The following CEP350 variants were observed in gnomAD, a reference collection of about 807,000 sequenced individuals.
The protein encoded by CEP350 is centrosomal protein 350.
CEP350 carries 126 observed loss-of-function variants against 331.8 expected under a neutral mutation model. The ratio of observed to expected loss-of-function variants is 0.38; its 90% CI spans 0.33 to 0.44. The LOEUF (loss-of-function observed/expected upper bound fraction) is 0.44, where lower values mean the gene tolerates loss of function less well. Among genes scored for constraint, CEP350 ranks in the 20% least tolerant of loss-of-function variants. CEP350 has a pLI of 1.00. For synonymous variants in CEP350, 1,200 were observed against 1,259.5 expected (o/e 0.95, Z 1.00); for missense variants, 3,406 against 3,634.6 (o/e 0.94, Z 1.62).
At chr1:179,957,664 C>T (rs1650266621) in intron 1 of CEP350, among the ~76,000 whole-genome samples, 2 of 152,138 alleles carry the variant, frequency 1.3e-5, no homozygotes. Context: ...TTCCTAAGCA[C>T]ACCTCAACTC....
chr1:180,014,071 A>G lies in CEP350; in HGVS notation c.1618A>G (p.Thr540Ala), dbSNP rs765239642. Residue 540 changes from threonine to alanine, a missense_variant, in exon 10 of 38, where the codon ACA (threonine) becomes GCA (alanine). This residue lies in a region of CEP350 where 1,857 missense variants were observed against 1,909.2 expected (regional missense o/e 0.97). Coordinates refer to ENST00000367607, the MANE Select transcript of CEP350 (RefSeq NM_014810.5). ...GILDDLQLDS[T>A]AHTAKQDTVE... ...TCTTGATGACCTACAGCTGGATTCT[A>G]CAGCTCACACTGCAAAGCAAGATAC... 22 of 1,611,892 alleles carry G rather than the reference A, an allele frequency of 1.4e-5. No individual in the cohort carries two copies. Among genetic ancestry groups the G allele is most frequent in the African/African-American group, 2.7e-5 (2 of 74,902 alleles).
At position 179,992,204 on chromosome 1, in the gene CEP350, A is replaced by G; in HGVS notation, c.378A>G (p.Glu126=). The G allele has an allele frequency of 1.3e-6, 2 of 1,506,540 alleles. No homozygotes were observed. Among genetic ancestry groups the G allele is most frequent in the Non-Finnish European group, 1.8e-6 (2 of 1,134,506 alleles). 93.3% of individuals were successfully genotyped at this position (1,506,540 alleles called of 1,614,324 possible). The change falls in exon 5 of 38, where the codon GAA becomes GAG. Residue 126 remains glutamate, a synonymous_variant. Coordinates refer to ENST00000367607, the MANE Select transcript of CEP350 (RefSeq NM_014810.5). ...VKKNNRVEFR[E]PLVSYREIHG... is the part of the protein sequence containing the mutation. Reference sequence around the variant, plus strand: ...AAAATAATCGTGTGGAATTTCGTGAACCTTTGGTTTCTTATAGGTTAGTAT... The same window carrying G: ...AAAATAATCGTGTGGAATTTCGTGAGCCTTTGGTTTCTTATAGGTTAGTAT...
intron 10 of CEP350, among the ~76,000 whole-genome samples, chr1:180,015,024 A>G (rs1654882298): frequency 6.6e-6 from 1 of 152,164 alleles, no homozygotes; most frequent in Non-Finnish European, 1.5e-5. Context: ...AGGAAGAGAA[A>G]ATATATTGAC....
Position 180,093,223 on chromosome 1 carries a change from T to C in CEP350, c.7118T>C (p.Ile2373Thr), listed in dbSNP as rs767672279. 1.9e-6 allele frequency: 3 copies of C among 1,601,806 alleles called. No individual in the cohort carries two copies. The highest frequency in any genetic ancestry group is 2.7e-5 in the African/African-American group (2 of 74,846). Residue 2373 changes from isoleucine to threonine, a missense_variant, in exon 34 of 38, where the codon ATA becomes ACA. By Grantham distance (89) the Ile-to-Thr change is moderately conservative (BLOSUM62 -1). Around this residue, in one of 5 missense-constraint regions of CEP350, gnomAD observed 1,415 missense variants for 1,512.3 expected, o/e 0.94. Transcript: ENST00000367607. ...GAACATCTTTTTGCTCCTAAAGAGA[T>C]ACCATACTCTGAAGATTTTGAAGTG... is the stretch of plus-strand genomic sequence containing the variant. ...WSEHLFAPKE[I>T]PYSEDFEVSS...
In CEP350 at chr1:180,036,817, T is replaced by C. The variant is rs1656384632; in HGVS notation, c.3947-109T>C. On this transcript the variant is annotated intron_variant, in intron 16 of 37. Transcript: ENST00000367607. ...GTATTCTGTACTGAGTCCCAGTTTT[T>C]TCTACAAAGGAAAGCAAAGTTGATT... The C allele has an allele frequency of 4.7e-6, 6 of 1,269,588 alleles. No individual in the cohort carries two copies. The African/African-American group carries it at 9.1e-5, about 19-fold the overall frequency. The allele number at this position is 1,269,588 out of a possible 1,614,324, so 78.6% of individuals were successfully genotyped here. A position where few individuals can be genotyped will look rare whatever the true frequency, so the allele number is the denominator to read the frequency against.
chr1:180,049,476 A>G (rs1186049485), intron 22 of CEP350, among the ~76,000 whole-genome samples: 3 of 152,180 alleles, frequency 2.0e-5, no homozygotes, highest in Non-Finnish European at 1.5e-5. Context: ...CAAAAACAAA[A>G]AAGTATTACT....
At chr1:180,065,362 T>C in intron 27 of CEP350, 90 bp downstream of exon 27, 3 of 1,258,880 alleles carry the variant, frequency 2.4e-6, no homozygotes, top group Non-Finnish European at 3.2e-6. Flanking sequence ...TAGATTAGAT[T>C]GAGACAAAAT....
At chr1:180,055,853 AT>A (rs1338178985) in intron 25 of CEP350, among the ~76,000 whole-genome samples, 1 of 151,992 alleles carries the variant, frequency 6.6e-6, no homozygotes, top group African/African-American at 2.4e-5. Flanking sequence ...CCTGAATTCT[AT>A]TTTTTAAAAA....
At chr1:180,041,083 A>G in intron 17 of CEP350, 55 bp from the exon 18 acceptor site, 2 of 1,270,146 alleles carry the variant, frequency 1.6e-6, no homozygotes, top group Non-Finnish European at 2.2e-6. Flanking sequence ...TGTTATAGTC[A>G]CTGTGTTAAA....
chr1:180,052,588 T>G (rs28575079), intron 22 of CEP350, among the ~76,000 whole-genome samples: 3 of 150,442 alleles, frequency 2.0e-5, no homozygotes, highest in African/African-American at 7.5e-5. Context: ...AAGATATTTT[T>G]ACTTCATTTC....
At chr1:180,087,773 G>T in intron 32 of CEP350, 56 bp downstream of exon 32, 1 of 1,365,378 alleles carries the variant, frequency 7.3e-7, no homozygotes, top group African/African-American at 1.5e-5. Context: ...AGGAATAAGG[G>T]AATATTTTCA....
At chr1:179,955,608 G>A (rs1650116066) in intron 1 of CEP350, among the ~76,000 whole-genome samples, 1 of 152,194 alleles carries the variant, frequency 6.6e-6, no homozygotes, top group Non-Finnish European at 1.5e-5. Flanking sequence ...GCTGCTGAAG[G>A]TAGTTTATTC....
At chr1:179,997,966 A>T (rs1265392665) in intron 6 of CEP350, among the ~76,000 whole-genome samples, 1 of 151,670 alleles carries the variant, frequency 6.6e-6, no homozygotes, top group African/African-American at 2.4e-5. Flanking sequence ...AATCACATTT[A>T]TGCCAACATT....
At chr1:179,958,398 G>A (rs1297824341) in intron 1 of CEP350, among the ~76,000 whole-genome samples, 1 of 152,170 alleles carries the variant, frequency 6.6e-6, no homozygotes, top group African/African-American at 2.4e-5. Context: ...ATTATTTCAA[G>A]ATGTCAATAA....
rs781372672 is a variant in CEP350, at chr1:179,990,591, A to G, written c.205A>G (p.Thr69Ala). ...DSVMDTKKSS[T>A]SATRKISRKD... The stretch of plus-strand genomic sequence containing the variant: ...TGTCATGGATACCAAGAAGTCTTCT[A>G]CAAGTGCTACTCGAAAAATAAGTAG... The change falls in exon 4 of 38, where the codon ACA (threonine) becomes GCA (alanine). Residue 69 changes from threonine to alanine, a missense_variant. Thr to Ala is a moderately conservative substitution (Grantham distance 58, BLOSUM62 0). Coordinates refer to ENST00000367607, the MANE Select transcript of CEP350 (RefSeq NM_014810.5). 6 of 1,600,872 alleles carry G rather than the reference A, an allele frequency of 3.7e-6. No individual in the cohort carries two copies. In the South Asian group the frequency reaches 5.6e-5, roughly 15 times the overall value.
chr1:180,001,554 C>T (rs1456184374), intron 6 of CEP350, among the ~76,000 whole-genome samples: 5 of 152,022 alleles, frequency 3.3e-5, no homozygotes, highest in Admixed American at 6.6e-5. Context: ...CCACCGTGCC[C>T]GGCCAAAGAG....
chr1:180,078,604 A>T lies in CEP350; in HGVS notation c.5909A>T (p.Asp1970Val), dbSNP rs763034140. 2.5e-6 allele frequency: 4 copies of T among 1,613,234 alleles called. No homozygotes were observed. The Admixed American group carries it at 6.7e-5, about 27-fold the overall frequency. Residue 1970 changes from aspartate to valine, a missense_variant, in exon 29 of 38, where the codon GAT becomes GTT. Asp to Val is a radical substitution (Grantham distance 152). Transcript: ENST00000367607. ...GGACAGGAGCAGCCAGGGAGTCCAG[A>T]TCACAGTATACTTACTGAAGAAATG... ...SIGQEQPGSPDHSILTEEMIC... is the reference protein window; with the variant it reads ...SIGQEQPGSPVHSILTEEMIC...
intron 27 of CEP350, among the ~76,000 whole-genome samples, chr1:180,065,754 T>TC (rs948918697): frequency 2.5e-4 from 37 of 149,758 alleles, no homozygotes; most frequent in East Asian, 2.2e-3. Context: ...CTAGACCCTG[T>TC]CCCCCCCCAA....
intron 12 of CEP350, among the ~76,000 whole-genome samples, chr1:180,021,644 C>T (rs189379325): frequency 1.8e-3 from 266 of 147,372 alleles, no homozygotes; most frequent in African/African-American, 6.5e-3. Flanking sequence ...GGCGACAGAG[C>T]GAGACTCCTC....
Sources: allele counts gnomAD v4.1 joint callset (sites outside exome capture counted in the v4.1 genomes callset), GRCh38; gene constraint gnomAD v4.1.1; regional missense constraint gnomAD v4.1.1; transcripts MANE v1.5; gene names NCBI Gene and HGNC (gene_info 2026-07-23, HGNC 2026-07-21).